The following MYH13 variants were observed in gnomAD, a reference collection of about 807,000 sequenced individuals.
MYH13 encodes the protein myosin heavy chain 13.
In MYH13, 177 loss-of-function variants were observed where a neutral mutation model predicts 232.1. The ratio of observed to expected loss-of-function variants is 0.76; its 90% CI spans 0.67 to 0.86. The LOEUF (loss-of-function observed/expected upper bound fraction) is 0.86. Among genes scored for constraint, MYH13 ranks in the 40% least tolerant of loss-of-function variants. The pLI is 0.00. For missense variants in MYH13, 2,246 were observed against 2,405.9 expected, an observed-to-expected ratio of 0.93 and a Z score of 1.39; for synonymous variants, 884 against 923.5, an observed-to-expected ratio of 0.96 and a Z score of 0.78.
intron 3 of MYH13, 64 bp downstream of exon 3, chr17:10,364,263 T>C: frequency 6.7e-7 from 1 of 1,488,604 alleles, no homozygotes; most frequent in South Asian, 1.2e-5. Context: ...CAATTTCTAA[T>C]ATTCTACTCC....
At chr17:10,350,920 A>G in intron 11 of MYH13, 2 of 568,950 alleles carry the variant, frequency 3.5e-6, no homozygotes. Context: ...GTTTCCTTCC[A>G]TCAAATAAGA....
intron 18 of MYH13, among the ~76,000 whole-genome samples, chr17:10,334,975 A>G (rs1239495801): frequency 1.3e-5 from 2 of 152,120 alleles, no homozygotes; most frequent in East Asian, 1.9e-4. Flanking sequence ...GACTCCCATG[A>G]GCTCTCAGAT....
At chr17:10,324,314 T>C (rs1907117602) in intron 22 of MYH13, 50 bp from the exon 23 acceptor site, 1 of 1,605,194 alleles carries the variant, frequency 6.2e-7, no homozygotes, top group African/African-American at 1.3e-5. Context: ...TTGAAAATGC[T>C]ACAAAGAAAG....
chr17:10,325,769 T>A (rs1307202830), intron 22 of MYH13, among the ~76,000 whole-genome samples: 1 of 152,190 alleles, frequency 6.6e-6, no homozygotes. Context: ...CTCTGCCTCC[T>A]GGGTTCAAGT....
chr17:10,343,204 A>ATTT (rs201677244), intron 16 of MYH13, among the ~76,000 whole-genome samples: 1 of 147,190 alleles, frequency 6.8e-6, no homozygotes, highest in African/African-American at 2.5e-5. Context: ...AAACCACTAA[A>ATTT]TTTTTTTTTT....
In MYH13 at chr17:10,315,899, C is replaced by T. The variant is rs1332585363; in HGVS notation, c.3865G>A (p.Gly1289Arg). 1.2e-6 allele frequency: 2 copies of T among 1,613,992 alleles called. No homozygotes were observed. The highest frequency in any genetic ancestry group is 1.3e-5 in the African/African-American group (1 of 75,040). Residue 1289 changes from glycine (G) to arginine (R), a missense_variant and splice_region_variant, in exon 28 of 41, where the codon GGG becomes AGG. Transcript: ENST00000252172. ...MQKARLQTQNGELSHRVEEKE... is the reference protein window; with the variant it reads ...MQKARLQTQNRELSHRVEEKE... Reference sequence around the variant, plus strand: ...GACCCAGAGCCCTGCCCATTCTCACCATTTTGGGTCTGCAGTCTTGCTTTC... The same window carrying T: ...GACCCAGAGCCCTGCCCATTCTCACTATTTTGGGTCTGCAGTCTTGCTTTC...
At chr17:10,311,756 G>T (rs1273386837) in intron 32 of MYH13, among the ~76,000 whole-genome samples, 155 bp downstream of exon 32, 2 of 152,210 alleles carry the variant, frequency 1.3e-5, no homozygotes, top group Non-Finnish European at 2.9e-5. Flanking sequence ...AAAGGTCTGG[G>T]CCTTGGGGCA....
At position 10,345,489 on chromosome 17, in the gene MYH13, A is replaced by G. The variant is rs981237709; in HGVS notation, c.1391T>C (p.Ile464Thr). The G allele has an allele frequency of 3.1e-6, 5 of 1,614,078 alleles. No homozygotes were observed. Among genetic ancestry groups the G allele is most frequent in the Non-Finnish European group, 3.4e-6 (4 of 1,180,040 alleles). The change falls in exon 14 of 41, where the codon ATT becomes ACT. Residue 464 changes from isoleucine to threonine, a missense_variant. Coordinates refer to ENST00000252172, the MANE Select transcript of MYH13 (RefSeq NM_003802.3). Reference sequence around the variant, plus strand: ...CACATCAAAGATCTCAAAGCCAGCAATGTCCAAGACCCCGATGAAGTACTG... The same window carrying G: ...CACATCAAAGATCTCAAAGCCAGCAGTGTCCAAGACCCCGATGAAGTACTG... ...PRQYFIGVLDIAGFEIFDFNS... is the reference protein window; with the variant it reads ...PRQYFIGVLDTAGFEIFDFNS...
chr17:10,330,209 TC>T (rs1255661369), intron 21 of MYH13, among the ~76,000 whole-genome samples, 177 bp downstream of exon 21: 14 of 152,082 alleles, frequency 9.2e-5, no homozygotes. Context: ...AGGGTTCATT[TC>T]TGTCTCCCCA....
chr17:10,334,080 G>A (rs1354537874), intron 18 of MYH13, among the ~76,000 whole-genome samples: 2 of 152,192 alleles, frequency 1.3e-5, no homozygotes, highest in South Asian at 2.1e-4. Context: ...TAATGTGGGT[G>A]CTCGTGGTAA....
intron 18 of MYH13, among the ~76,000 whole-genome samples, chr17:10,338,031 G>A (rs556338633): frequency 2.2e-4 from 34 of 152,204 alleles, no homozygotes; most frequent in Non-Finnish European, 3.8e-4. Flanking sequence ...CCGGCCTGGC[G>A]ACAGAGCGAG....
intron 18 of MYH13, among the ~76,000 whole-genome samples, chr17:10,336,197 T>C (rs1385220987): frequency 6.6e-6 from 1 of 152,080 alleles, no homozygotes; most frequent in Non-Finnish European, 1.5e-5. Context: ...AGCTGAGTTC[T>C]CTTAGGGCTT....
intron 18 of MYH13, among the ~76,000 whole-genome samples, chr17:10,336,288 C>T (rs928601337): frequency 5.3e-5 from 8 of 152,140 alleles, no homozygotes; most frequent in Non-Finnish European, 2.9e-5. Context: ...TGTACCAATG[C>T]GTAAAACTTC....
In MYH13 at chr17:10,323,776, AAAAAAAAAAAAAAGAAG is replaced by A. The variant is rs1267815575; in HGVS notation, c.2934+229_2934+245del. Among the ~76,000 whole-genome samples, 330 of 103,150 alleles carry A rather than the reference AAAAAAAAAAAAAAGAAG, an allele frequency of 3.2e-3. 2 individuals are homozygous for A. Among genetic ancestry groups the A allele is most frequent in the Non-Finnish European group, 5.0e-3 (252 of 50,324 alleles). 67.7% of individuals were successfully genotyped at this position (103,150 alleles called of 152,430 possible). A position where few individuals can be genotyped will look rare whatever the true frequency, so the allele number is the denominator to read the frequency against. On this transcript the variant is annotated intron_variant, in intron 23 of 40. Transcript: ENST00000252172. ...AGACTCCATCTCACAAAAAAAAAAA[AAAAAAAAAAAAAAGAAG>A]AAGAAGAAGAAGAAGAAGAAGAAGA...
At chr17:10,366,541 C>A (rs997097835) in intron 2 of MYH13, among the ~76,000 whole-genome samples, 1 of 151,914 alleles carries the variant, frequency 6.6e-6, no homozygotes, top group East Asian at 1.9e-4. Flanking sequence ...CCACCACACC[C>A]GGCTAATTTT....
At position 10,315,988 on chromosome 17, in the gene MYH13, T is replaced by A. The variant is rs752837863; in HGVS notation, c.3776A>T (p.Gln1259Leu). 2.0e-5 allele frequency: 32 copies of A among 1,614,070 alleles called. No individual in the cohort carries two copies. The highest frequency in any genetic ancestry group is 2.5e-5 in the Non-Finnish European group (29 of 1,179,896). Residue 1259 changes from glutamine (Q) to leucine (L), a missense_variant, in exon 28 of 41, where the codon CAA (glutamine) becomes CTA (leucine). Transcript: ENST00000252172. ...GTCCTTGGCTTTGATTTCACTAAAT[T>A]GATCTTCTACCGTCCGGCACGTTCT... ...IERTCRTVEDQFSEIKAKDEQ... is the reference protein window; with the variant it reads ...IERTCRTVEDLFSEIKAKDEQ...
chr17:10,313,014 C>A, intron 30 of MYH13, 144 bp downstream of exon 30: 1 of 1,364,458 alleles, frequency 7.3e-7, no homozygotes, highest in Non-Finnish European at 1.0e-6. Context: ...ACAGGGAGAC[C>A]CCCAGAGGGT....
chr17:10,340,947 T>C (rs1408972274), intron 16 of MYH13: 1 of 152,086 alleles, frequency 6.6e-6, no homozygotes, highest in East Asian at 1.9e-4. Flanking sequence ...TCCTTTCCTT[T>C]AGAAATCAGA....
intron 8 of MYH13, among the ~76,000 whole-genome samples, chr17:10,356,886 G>A (rs555234296): frequency 1.3e-5 from 2 of 152,282 alleles, no homozygotes; most frequent in African/African-American, 2.4e-5. Context: ...ATGTCTTTTT[G>A]ATTAAGCCAA....
Sources: allele counts gnomAD v4.1 joint callset (sites outside exome capture counted in the v4.1 genomes callset), GRCh38; gene constraint gnomAD v4.1.1; transcripts MANE v1.5; gene names NCBI Gene and HGNC (gene_info 2026-07-23, HGNC 2026-07-21).